Variants in AOPEP observed in about 807,000 individuals in gnomAD.
AOPEP encodes the protein aminopeptidase O (putative).
In AOPEP, 77 loss-of-function variants were observed where a neutral mutation model predicts 98.1. The ratio of observed to expected loss-of-function variants is 0.78; its 90% CI spans 0.65 to 0.95. The LOEUF is 0.95. Ranked by LOEUF, AOPEP falls within the 40% of genes least tolerant of loss-of-function variation. The pLI, the probability that AOPEP is intolerant of heterozygous loss-of-function variation, is 0.00. For synonymous variants in AOPEP, 346 were observed against 365.3 expected (o/e 0.95, Z 0.60); for missense variants, 1,024 against 1,024.7 (o/e 1.00, Z 0.01).
At chr9:94,932,433 T>A in intron 7 of AOPEP, 1 of 196,874 alleles carries the variant, frequency 5.1e-6, no homozygotes, top group Non-Finnish European at 9.2e-6. Flanking sequence ...ATACATCCAC[T>A]GAGTCATGAG....
intron 13 of AOPEP, among the ~76,000 whole-genome samples, chr9:95,041,446 G>GGGTGTGTGTGTGTGT (rs1554813291): frequency 7.0e-6 from 1 of 142,012 alleles, no homozygotes; most frequent in Non-Finnish European, 1.5e-5. Flanking sequence ...AGTCCTTGGG[G>GGGTGTGTGTGTGTGT]GTGTGTGTGT....
At chr9:94,790,662 A>AT (rs959849808) in intron 3 of AOPEP, among the ~76,000 whole-genome samples, 39 of 152,116 alleles carry the variant, frequency 2.6e-4, no homozygotes, top group African/African-American at 9.2e-4. Flanking sequence ...AATATTATTT[A>AT]TTTTTTACTA....
At chr9:95,083,570 C>A (rs1486476124) in intron 16 of AOPEP, among the ~76,000 whole-genome samples, 7 of 151,142 alleles carry the variant, frequency 4.6e-5, no homozygotes, top group Non-Finnish European at 2.9e-5. Flanking sequence ...ACACACAGCG[C>A]ATGCACAACA....
chr9:94,870,052 G>A (rs192207098), intron 5 of AOPEP, among the ~76,000 whole-genome samples: 1,472 of 141,082 alleles, frequency 0.01, 13 homozygotes, highest in Middle Eastern at 0.021. Context: ...GCAATGGTGC[G>A]ATCTCGGCTC....
chr9:95,126,552 G>T, the AOPEP span: 1 of 1,614,086 alleles, frequency 6.2e-7, no homozygotes, highest in Non-Finnish European at 8.5e-7. Flanking sequence ...CAACAACCCG[G>T]AATATGGCAG....
At chr9:94,931,381 T>G (rs566039290) in intron 7 of AOPEP, among the ~76,000 whole-genome samples, 8 of 152,206 alleles carry the variant, frequency 5.3e-5, no homozygotes, top group African/African-American at 1.9e-4. Flanking sequence ...AAAGGCTTAT[T>G]GCACATCAAT....
intron 11 of AOPEP, among the ~76,000 whole-genome samples, chr9:95,002,059 G>A (rs2061596175): frequency 6.6e-6 from 1 of 151,998 alleles, no homozygotes; most frequent in Non-Finnish European, 1.5e-5. Flanking sequence ...GATTACAGGT[G>A]TGAGCCACCG....
intron 3 of AOPEP, among the ~76,000 whole-genome samples, chr9:94,791,504 A>T (rs1028089232): frequency 3.0e-5 from 3 of 99,462 alleles, no homozygotes; most frequent in Admixed American, 1.5e-4. Context: ...CCTGTCTCTC[A>T]AAAAAAAAAA....
chr9:94,864,936 G>A (rs565014734), intron 5 of AOPEP, among the ~76,000 whole-genome samples: 1 of 152,252 alleles, frequency 6.6e-6, no homozygotes, highest in Non-Finnish European at 1.5e-5. Context: ...ACTCCACGCT[G>A]ATTTCTGGAG....
intron 1 of AOPEP, among the ~76,000 whole-genome samples, chr9:94,752,367 A>T (rs1394776406): frequency 1.2e-4 from 17 of 147,482 alleles, no homozygotes; most frequent in African/African-American, 3.5e-4. Context: ...TCTCACACAC[A>T]CACACACACA....
intron 5 of AOPEP, among the ~76,000 whole-genome samples, chr9:94,847,324 A>G (rs1395286216): frequency 1.3e-5 from 2 of 152,076 alleles, no homozygotes; most frequent in Admixed American, 6.5e-5. Context: ...CATTCACCTA[A>G]GGAGTTTGGA....
At position 94,759,970 on chromosome 9, in the gene AOPEP, G is replaced by C; in HGVS notation, c.187G>C (p.Ala63Pro). 1 of 1,614,188 alleles carries C rather than the reference G, an allele frequency of 6.2e-7. No homozygotes were observed. Among genetic ancestry groups the C allele is most frequent in the Non-Finnish European group, 8.5e-7 (1 of 1,180,028 alleles). ...GAAACAGAATAGCTCTATTGAGGAA[G>C]CCTGCCAATCAGAATCAAACAAAGC... Reference protein sequence around the residue: ...FKKQNSSIEEACQSESNKACK... With the variant: ...FKKQNSSIEEPCQSESNKACK... The change falls in exon 2 of 17, where the codon GCC (alanine) becomes CCC (proline). Residue 63 changes from alanine to proline, a missense_variant. Around this residue, in one of 3 missense-constraint regions of AOPEP, gnomAD observed 440 missense variants for 433.8 expected, o/e 1.01. Transcript: ENST00000375315.
At chr9:94,806,235 T>C (rs991858882) in intron 5 of AOPEP, among the ~76,000 whole-genome samples, 1 of 152,216 alleles carries the variant, frequency 6.6e-6, no homozygotes, top group African/African-American at 2.4e-5. Flanking sequence ...TGCATATTTT[T>C]GTTTTGTGTG....
At chr9:94,970,265 C>T (rs990007316) in intron 10 of AOPEP, among the ~76,000 whole-genome samples, 44 of 152,026 alleles carry the variant, frequency 2.9e-4, no homozygotes, top group African/African-American at 1.0e-3. Context: ...CCAGGGCAGC[C>T]GGGACATCAG....
intron 16 of AOPEP, among the ~76,000 whole-genome samples, chr9:95,083,657 CCACA>C (rs1362857141): frequency 7.3e-5 from 11 of 150,748 alleles, no homozygotes; most frequent in African/African-American, 2.2e-4. Context: ...AGCGCGTGCA[CCACA>C]CAGAGCACCT....
At chr9:94,934,380 G>A (rs1302669102) in intron 7 of AOPEP, among the ~76,000 whole-genome samples, 1 of 144,992 alleles carries the variant, frequency 6.9e-6, no homozygotes, top group Non-Finnish European at 1.5e-5. Context: ...TCAGTGGCGC[G>A]ATTTCGGCTC....
chr9:95,136,409 T>C, the AOPEP span, among the ~76,000 whole-genome samples: 1 of 151,720 alleles, frequency 6.6e-6, no homozygotes, highest in Non-Finnish European at 1.5e-5. Context: ...ATTTCATATA[T>C]GGTAGTTATG....
intron 5 of AOPEP, among the ~76,000 whole-genome samples, chr9:94,808,403 GC>G (rs1230655643): frequency 1.3e-5 from 2 of 152,132 alleles, no homozygotes; most frequent in African/African-American, 2.4e-5. Context: ...TGAGGGGGAT[GC>G]CCCCTTCAAA....
At chr9:94,746,291 G>T (rs988902549) in intron 1 of AOPEP, among the ~76,000 whole-genome samples, 3 of 152,174 alleles carry the variant, frequency 2.0e-5, no homozygotes, top group African/African-American at 7.2e-5. Flanking sequence ...AGAGGCCATG[G>T]ATATCTCGGT....
Sources: allele counts gnomAD v4.1 joint callset (sites outside exome capture counted in the v4.1 genomes callset), GRCh38; gene constraint gnomAD v4.1.1; regional missense constraint gnomAD v4.1.1; transcripts MANE v1.5; gene names NCBI Gene and HGNC (gene_info 2026-07-23, HGNC 2026-07-21).